Variants in VPS13A observed in about 807,000 individuals in gnomAD.
VPS13A encodes vacuolar protein sorting 13 homolog A, also known as intermembrane lipid transfer protein VPS13A.
VPS13A carries 264 observed loss-of-function variants against 390.9 expected under a neutral mutation model. The observed-to-expected ratio is 0.68, with a 90% CI of 0.61 to 0.75. VPS13A has a LOEUF of 0.75. Ranked by LOEUF, VPS13A falls within the 30% of genes least tolerant of loss-of-function variation. VPS13A has a pLI of 0.00. For missense variants in VPS13A, 3,409 were observed against 3,733.9 expected (o/e 0.91, Z 2.27); for synonymous variants, 1,231 against 1,227.1 (o/e 1.00, Z -0.07).
intron 23 of VPS13A, among the ~76,000 whole-genome samples, chr9:77,261,459 A>G (rs540120055): frequency 3.3e-5 from 5 of 152,098 alleles, no homozygotes; most frequent in Non-Finnish European, 4.4e-5. Flanking sequence ...CCTCATATAT[A>G]TACATATATA....
intron 53 of VPS13A, among the ~76,000 whole-genome samples, chr9:77,351,894 A>G (rs955771810): frequency 5.3e-5 from 8 of 152,292 alleles, no homozygotes; most frequent in South Asian, 2.1e-4. Context: ...AAACAACAGT[A>G]TTTGATTTTC....
intron 56 of VPS13A, 74 bp downstream of exon 56, chr9:77,357,912 G>T: frequency 7.4e-7 from 1 of 1,352,932 alleles, no homozygotes; most frequent in South Asian, 1.2e-5. Context: ...TATTCCCATG[G>T]TCTGCTTTAT....
Position 77,321,272 on chromosome 9 carries a change from A to G in VPS13A, c.5519A>G (p.Gln1840Arg), listed in dbSNP as rs1243513245. ...KTVISFHSKD[Q>R]LNITLSKCGL... The stretch of plus-strand genomic sequence containing the variant: ...GTCATCAGTTTCCATTCAAAAGACC[A>G]ATTAAACATTACATTATCCAAATGT... Residue 1840 changes from glutamine to arginine, a missense_variant, in exon 43 of 72, where the codon CAA (glutamine) becomes CGA (arginine). Physicochemically the swap from Gln to Arg is conservative, Grantham distance 43. Coordinates refer to ENST00000360280, the MANE Select transcript of VPS13A (RefSeq NM_033305.3). 3.7e-6 allele frequency: 6 copies of G among 1,610,984 alleles called. No individual in the cohort carries two copies. Among genetic ancestry groups the G allele is most frequent in the South Asian group, 1.1e-5 (1 of 90,818 alleles).
rs765264048 is a variant in VPS13A, at chr9:77,339,489, G to GTTTTTTTTTTTT, written c.6379-23_6379-22insTTTTTTTTTTTT. The GTTTTTTTTTTTT allele has an allele frequency of 2.0e-5, 22 of 1,122,350 alleles. 1 individual carries two copies. The highest frequency in any genetic ancestry group is 3.4e-5 in the South Asian group (2 of 58,976). 69.5% of individuals were successfully genotyped at this position (1,122,350 alleles called of 1,614,324 possible). A position where few individuals can be genotyped will look rare whatever the true frequency, so the allele number is the denominator to read the frequency against. Reference sequence around the variant, plus strand: ...ATTATTCTGCAACATTTTAAATTTTGTTTTGTTTTTTTTTTTTTTATTACA... The same window carrying GTTTTTTTTTTTT: ...ATTATTCTGCAACATTTTAAATTTTGTTTTTTTTTTTTTTTTGTTTTTTTTTTTTTTATTACA... On this transcript the variant is annotated intron_variant, in intron 47 of 71. Transcript: ENST00000360280.
Position 77,415,950 on chromosome 9 carries a change from C to T in VPS13A, c.9475-6C>T. ...AAGCAAATGTTCATTTATTTTCCCA[C>T]CGCAGTGGATCCTCACAAAGCTACA... On this transcript the variant is annotated splice_polypyrimidine_tract_variant and splice_region_variant and intron_variant, in intron 71 of 71. Coordinates refer to ENST00000360280, the MANE Select transcript of VPS13A (RefSeq NM_033305.3). 6.2e-7 allele frequency: 1 copy of T among 1,613,260 alleles called. No homozygotes were observed. The highest frequency in any genetic ancestry group is 1.3e-5 in the African/African-American group (1 of 75,010).
chr9:77,193,441 C>A (rs1413321880), intron 1 of VPS13A, among the ~76,000 whole-genome samples: 1 of 152,068 alleles, frequency 6.6e-6, no homozygotes, highest in Non-Finnish European at 1.5e-5. Flanking sequence ...CAAGACCAGC[C>A]TGGCCAACAT....
intron 20 of VPS13A, 79 bp from the exon 21 acceptor site, chr9:77,250,018 A>G (rs541230958): frequency 7.8e-5 from 117 of 1,496,996 alleles, no homozygotes; most frequent in Middle Eastern, 2.2e-4. Context: ...TTAACATTTT[A>G]TAAGTCTAAA....
intron 67 of VPS13A, among the ~76,000 whole-genome samples, chr9:77,377,488 G>A (rs1833170774): frequency 6.6e-6 from 1 of 152,150 alleles, no homozygotes; most frequent in Non-Finnish European, 1.5e-5. Flanking sequence ...CAAAGTGCTG[G>A]TATGCTGTTT....
At position 77,196,848 on chromosome 9, in the gene VPS13A, A is replaced by G. The variant is rs184280596; in HGVS notation, c.101-3097A>G. 4.3e-3 allele frequency among the ~76,000 whole-genome samples: 648 copies of G among 152,102 alleles called. 4 individuals carry two copies. Among genetic ancestry groups the G allele is most frequent in the South Asian group, 0.01 (50 of 4,808 alleles). On this transcript the variant is annotated intron_variant, in intron 1 of 71. Transcript: ENST00000360280. ...AACAAACTGATTTCATTTCTTTGGG[A>G]TATTTATACATTAGTGGGAATGATG...
chr9:77,283,660 C>A lies in VPS13A; in HGVS notation c.3339+10C>A, dbSNP rs561212771. Reference sequence around the variant, plus strand: ...AGCTATATACAAAAAGGTAAGAATTCTTTTAATTAAATAATAGTACATCAT... The same window carrying A: ...AGCTATATACAAAAAGGTAAGAATTATTTTAATTAAATAATAGTACATCAT... On this transcript the variant is annotated intron_variant, in intron 31 of 71. Coordinates refer to ENST00000360280, the MANE Select transcript of VPS13A (RefSeq NM_033305.3). 1.9e-6 allele frequency: 3 copies of A among 1,563,790 alleles called. No homozygotes were observed. Among genetic ancestry groups the A allele is most frequent in the Non-Finnish European group, 1.8e-6 (2 of 1,140,956 alleles).
At chr9:77,225,524 GC>G (rs1479412954) in intron 13 of VPS13A, among the ~76,000 whole-genome samples, 1 of 152,132 alleles carries the variant, frequency 6.6e-6, no homozygotes, top group African/African-American at 2.4e-5. Flanking sequence ...GGGGTTACAG[GC>G]ATGAGCCACT....
intron 71 of VPS13A, 66 bp from the exon 72 acceptor site, chr9:77,415,890 C>G (rs1309959329): frequency 6.4e-7 from 1 of 1,568,980 alleles, no homozygotes; most frequent in East Asian, 2.2e-5. Context: ...GATCTCCATT[C>G]ATTACATTTT....
At chr9:77,368,449 GTAAC>G (rs1396272731) in intron 62 of VPS13A, among the ~76,000 whole-genome samples, 20 of 152,168 alleles carry the variant, frequency 1.3e-4, no homozygotes, top group Non-Finnish European at 1.8e-4. Flanking sequence ...GAAACTATTA[GTAAC>G]TAACTGATGA....
chr9:77,318,347 A>G lies in VPS13A; in HGVS notation c.5069A>G (p.Lys1690Arg). 2 of 1,613,522 alleles carry G rather than the reference A, an allele frequency of 1.2e-6. No individual in the cohort carries two copies. The highest frequency in any genetic ancestry group is 1.7e-6 in the Non-Finnish European group (2 of 1,179,842). Residue 1690 changes from lysine (K) to arginine (R), a missense_variant, in exon 41 of 72, where the codon AAG (lysine) becomes AGG (arginine). By Grantham distance (26) the Lys-to-Arg change is conservative. Coordinates refer to ENST00000360280, the MANE Select transcript of VPS13A (RefSeq NM_033305.3). ...ASSTAHLWEK[K>R]DTKTLKMWFL... ...TCTACTGCACATTTATGGGAAAAGAAGGATACAAAGACTTTAAAAATGTGG... is the reference window on the plus strand; with the variant it reads ...TCTACTGCACATTTATGGGAAAAGAGGGATACAAAGACTTTAAAAATGTGG...
At chr9:77,333,734 A>G (rs1306426727) in intron 46 of VPS13A, among the ~76,000 whole-genome samples, 1 of 152,052 alleles carries the variant, frequency 6.6e-6, no homozygotes, top group Non-Finnish European at 1.5e-5. Context: ...ATCTTTCTCT[A>G]TTCTATTTCT....
chr9:77,302,936 A>G lies in VPS13A; in HGVS notation c.3834A>G (p.Ala1278=), dbSNP rs778637226. 8 of 1,613,626 alleles carry G rather than the reference A, an allele frequency of 5.0e-6. No individual in the cohort carries two copies. The African/African-American group carries it at 8.0e-5, about 16-fold the overall frequency. Residue 1278 remains alanine, a synonymous_variant, in exon 34 of 72, where the codon GCA becomes GCG. Transcript: ENST00000360280. ...RLYRSRFIND[A]YQEVLDLLLP... ...ATAGATCTCGATTTATTAATGATGCATACCAGGAAGTACTGGATCTACTCC... is the reference window on the plus strand; with the variant it reads ...ATAGATCTCGATTTATTAATGATGCGTACCAGGAAGTACTGGATCTACTCC...
intron 53 of VPS13A, 32 bp from the exon 54 acceptor site, chr9:77,353,377 G>GTTTTTT: frequency 7.8e-7 from 1 of 1,276,008 alleles, no homozygotes; most frequent in Non-Finnish European, 1.1e-6. Flanking sequence ...TAATTTTTTG[G>GTTTTTT]TTTTTTTTTT....
intron 23 of VPS13A, among the ~76,000 whole-genome samples, chr9:77,269,546 T>C (rs971852597): frequency 2.6e-5 from 4 of 152,218 alleles, no homozygotes; most frequent in East Asian, 1.9e-4. Flanking sequence ...AATCAACTTA[T>C]CAATTTCCAC....
intron 9 of VPS13A, among the ~76,000 whole-genome samples, 191 bp from the exon 10 acceptor site, chr9:77,214,138 C>T (rs906670299): frequency 3.3e-5 from 5 of 151,806 alleles, no homozygotes; most frequent in South Asian, 2.1e-4. Flanking sequence ...TAGCCAGGCA[C>T]GGTGGGGCAC....
Sources: allele counts gnomAD v4.1 joint callset (sites outside exome capture counted in the v4.1 genomes callset), GRCh38; gene constraint gnomAD v4.1.1; transcripts MANE v1.5; gene names NCBI Gene and HGNC (gene_info 2026-07-23, HGNC 2026-07-21).